Variants in PSG11 observed in about 807,000 individuals in gnomAD.
PSG11 encodes pregnancy specific beta-1-glycoprotein 11.
A neutral mutation model predicts 36.0 loss-of-function variants in PSG11; 42 were observed. The ratio of observed to expected loss-of-function variants is 1.17; its 90% CI spans 0.91 to 1.51. PSG11 has a LOEUF of 1.51. Ranked by LOEUF, PSG11 falls within the 40% of genes most tolerant of loss-of-function variation. PSG11 has a pLI of 0.00. For missense variants in PSG11, 558 were observed against 403.5 expected, an observed-to-expected ratio of 1.38 and a Z score of -3.28; for synonymous variants, 206 against 153.5, an observed-to-expected ratio of 1.34 and a Z score of -2.53.
At chr19:43,009,236 G>A (rs1428166168) in intron 5 of PSG11, among the ~76,000 whole-genome samples, 1 of 151,342 alleles carries the variant, frequency 6.6e-6, no homozygotes, top group Non-Finnish European at 1.5e-5. Context: ...AGGTTCACAT[G>A]TTAATCCTAA....
At chr19:43,025,126 T>G in intron 1 of PSG11, 70 bp from the exon 2 acceptor site, 1 of 1,544,370 alleles carries the variant, frequency 6.5e-7, no homozygotes, top group East Asian at 2.3e-5. Context: ...GGGCCCTGAG[T>G]CCTGAGAAGG....
In PSG11 at chr19:43,010,453, T is replaced by A. The variant is rs1179387498; in HGVS notation, c.965-412A>T. On this transcript the variant is annotated intron_variant, in intron 4 of 5. Transcript: ENST00000320078. ...CTGATTGACAGAAGGCCCAGGTCAG[T>A]GCATTTCAAATTCACCACCTCCTTT... 8.8e-6 allele frequency: 12 copies of A among 1,363,504 alleles called. 1 individual carries two copies. The African/African-American group carries it at 1.8e-4, about 20-fold the overall frequency. 84.5% of individuals were successfully genotyped at this position (1,363,504 alleles called of 1,614,324 possible). A position where few individuals can be genotyped will look rare whatever the true frequency, so the allele number is the denominator to read the frequency against.
At chr19:43,024,648 A>G (rs1967191381) in intron 2 of PSG11, 43 bp downstream of exon 2, 1 of 1,609,044 alleles carries the variant, frequency 6.2e-7, no homozygotes, top group African/African-American at 1.3e-5. Context: ...TGTAGAAGTG[A>G]CCCCTGTCCC....
intron 3 of PSG11, among the ~76,000 whole-genome samples, chr19:43,016,701 G>A (rs1417719338): frequency 1.3e-5 from 2 of 151,470 alleles, no homozygotes; most frequent in Admixed American, 6.6e-5. Flanking sequence ...ATAGAGCAGA[G>A]CGCAAGGAAT....
rs144132421 is a variant in PSG11 at position 43,010,352 on chromosome 19, A to G, written c.965-311T>C. 1.8e-5 allele frequency: 28 copies of G among 1,530,272 alleles called. No homozygotes were observed. The African/African-American group carries it at 3.4e-4, about 18-fold the overall frequency. 94.8% of individuals were successfully genotyped at this position (1,530,272 alleles called of 1,614,324 possible). On this transcript the variant is annotated intron_variant, in intron 4 of 5. Coordinates refer to ENST00000320078, the MANE Select transcript of PSG11 (RefSeq NM_002785.3). The stretch of plus-strand genomic sequence containing the variant: ...GAACTTGTCACCTTTGCACCTTTTC[A>G]TGGTTGCATCTTTTTCTCAGTGTCT...
intron 3 of PSG11, chr19:43,015,866 G>C (rs774020090): frequency 6.2e-7 from 1 of 1,610,078 alleles, no homozygotes; most frequent in Non-Finnish European, 8.5e-7. Context: ...ACACTGGGTA[G>C]AATGAGGATC....
In PSG11 at chr19:43,018,659, C is replaced by A. The variant is rs891321177; in HGVS notation, c.709+111G>T. On this transcript the variant is annotated intron_variant, in intron 3 of 5. Transcript: ENST00000320078. The stretch of plus-strand genomic sequence containing the variant: ...AGAAAGTCATGGCCAGCTTTGATGT[C>A]CAGTGGTAAAGGTCTCTGTACTTGG... The A allele has an allele frequency of 2.5e-6, 4 of 1,601,040 alleles. No individual in the cohort carries two copies. The African/African-American group carries it at 5.4e-5, about 22-fold the overall frequency.
rs1006029082 is a variant in PSG11, at chr19:43,020,617, A to G, written c.431-1569T>C. On this transcript the variant is annotated intron_variant, in intron 2 of 5. Transcript: ENST00000320078. ...TTCTCTTGAGACCAACATAAGGTTT[A>G]GGTGTGCCATGAATTCCAGCAGGAT... 1.3e-4 allele frequency among the ~76,000 whole-genome samples: 19 copies of G among 151,580 alleles called. 1 individual carries two copies. Among genetic ancestry groups the G allele is most frequent in the Non-Finnish European group, 2.5e-4 (17 of 67,920 alleles).
chr19:43,021,671 T>A (rs1371502320), intron 2 of PSG11, among the ~76,000 whole-genome samples: 1 of 151,502 alleles, frequency 6.6e-6, no homozygotes, highest in Admixed American at 6.6e-5. Context: ...TAATGAGTTG[T>A]TGACTTTTGA....
At position 43,015,989 on chromosome 19, in the gene PSG11, C is replaced by T. The variant is rs548162237; in HGVS notation, c.710-619G>A. On this transcript the variant is annotated intron_variant, in intron 3 of 5. Transcript: ENST00000320078. The stretch of plus-strand genomic sequence containing the variant: ...GGTTCACAGGTGAAGGTTAAGACAT[C>T]CTTATTCTCCCTGGGGTTTAAGTTG... 2.5e-6 allele frequency: 4 copies of T among 1,610,122 alleles called. 1 individual carries two copies. The highest frequency in any genetic ancestry group is 1.1e-5 in the South Asian group (1 of 90,722).
At chr19:43,008,520 C>T (rs1973989113) in intron 5 of PSG11, among the ~76,000 whole-genome samples, 1 of 151,298 alleles carries the variant, frequency 6.6e-6, no homozygotes, top group African/African-American at 2.4e-5. Flanking sequence ...TTATGATCCA[C>T]CCACCTCAGT....
chr19:43,021,842 T>C (rs1000949106), intron 2 of PSG11, among the ~76,000 whole-genome samples: 2 of 151,334 alleles, frequency 1.3e-5, no homozygotes, highest in East Asian at 3.9e-4. Context: ...AATGAGCTCA[T>C]GGGCTTTGGA....
chr19:43,025,907 C>A (rs1211147143), intron 1 of PSG11, among the ~76,000 whole-genome samples: 3 of 135,134 alleles, frequency 2.2e-5, no homozygotes, highest in South Asian at 2.5e-4. Context: ...ATCAACAGGG[C>A]CTTCTTTCCT....
At chr19:43,024,511 G>A (rs1967186906) in intron 2 of PSG11, 180 bp downstream of exon 2, 5 of 1,220,174 alleles carry the variant, frequency 4.1e-6, no homozygotes, top group Non-Finnish European at 5.8e-6. Flanking sequence ...TGCGGGAAAG[G>A]AATTCTGATC....
intron 5 of PSG11, among the ~76,000 whole-genome samples, chr19:43,008,760 A>C (rs1312171312): frequency 6.6e-6 from 1 of 151,332 alleles, no homozygotes; most frequent in Non-Finnish European, 1.5e-5. Context: ...AAATAGGGCC[A>C]AAAAGGTATA....
chr19:43,016,975 A>G (rs534980116), intron 3 of PSG11, among the ~76,000 whole-genome samples: 4 of 151,534 alleles, frequency 2.6e-5, no homozygotes, highest in African/African-American at 9.7e-5. Flanking sequence ...TTTTGCAAGT[A>G]GTTTCTTTCA....
chr19:43,010,091 A>G lies in PSG11; in HGVS notation c.965-50T>C, dbSNP rs762599421. On this transcript the variant is annotated intron_variant, in intron 4 of 5. Transcript: ENST00000320078. ...AGGAATGAAGGTGATGTTATTTTAC[A>G]TGGGGGAGCGTCAGGAACAAGCATG... 32 of 1,579,110 alleles carry G rather than the reference A, an allele frequency of 2.0e-5. 1 individual carries two copies. The highest frequency in any genetic ancestry group is 2.5e-5 in the Non-Finnish European group (29 of 1,151,446).
chr19:43,014,809 C>G (rs1216683666), intron 4 of PSG11: 1 of 1,252,410 alleles, frequency 8.0e-7, no homozygotes, highest in South Asian at 2.3e-5. Context: ...CAGTGAGAAG[C>G]AACTCGATGT....
At chr19:43,023,058 G>A (rs1279742969) in intron 2 of PSG11, among the ~76,000 whole-genome samples, 41 of 150,874 alleles carry the variant, frequency 2.7e-4, no homozygotes, top group African/African-American at 9.8e-4. Flanking sequence ...ACTGACTTCA[G>A]AGCCCCCAGG....
Sources: allele counts gnomAD v4.1 joint callset (sites outside exome capture counted in the v4.1 genomes callset), GRCh38; gene constraint gnomAD v4.1.1; transcripts MANE v1.5; gene names NCBI Gene and HGNC (gene_info 2026-07-23, HGNC 2026-07-21).